The following CDK14 variants were observed in gnomAD, a reference collection of about 807,000 sequenced individuals.
CDK14 encodes cyclin dependent kinase 14, also known as cyclin-dependent kinase 14.
Under a neutral mutation model 60.7 loss-of-function variants are expected in CDK14, and 34 were observed. The observed-to-expected ratio is 0.56, with a 90% CI of 0.43 to 0.75. The LOEUF is 0.75. Among genes scored for constraint, CDK14 ranks in the 30% least tolerant of loss-of-function variants. The pLI, the probability that CDK14 is intolerant of heterozygous loss-of-function variation, is 0.00. For synonymous variants in CDK14, 197 were observed against 203.7 expected, an observed-to-expected ratio of 0.97 and a Z score of 0.28; for missense variants, 482 against 564.1, an observed-to-expected ratio of 0.85 and a Z score of 1.47.
chr7:90,903,199 TA>T (rs1792574634), intron 7 of CDK14, among the ~76,000 whole-genome samples: 1 of 152,148 alleles, frequency 6.6e-6, no homozygotes, highest in Non-Finnish European at 1.5e-5. Flanking sequence ...TAAATTGAAC[TA>T]TCATATGATC....
chr7:90,760,881 T>C (rs1237074027), intron 4 of CDK14, among the ~76,000 whole-genome samples: 1 of 152,226 alleles, frequency 6.6e-6, no homozygotes, highest in African/African-American at 2.4e-5. Flanking sequence ...GTTCCTATCC[T>C]TAGCTAGTCC....
chr7:90,990,096 A>G (rs1795487054), intron 10 of CDK14, among the ~76,000 whole-genome samples: 2 of 152,176 alleles, frequency 1.3e-5, no homozygotes, highest in South Asian at 4.1e-4. Flanking sequence ...GTATAACAGG[A>G]GAGTAATGTT....
chr7:91,102,317 G>A (rs1412295372), intron 12 of CDK14, among the ~76,000 whole-genome samples: 3 of 152,178 alleles, frequency 2.0e-5, no homozygotes, highest in South Asian at 2.1e-4. Context: ...GGCCCATAGT[G>A]AGTGTAATAG....
intron 10 of CDK14, among the ~76,000 whole-genome samples, chr7:91,043,198 T>C (rs1307861940): frequency 3.3e-5 from 5 of 152,242 alleles, no homozygotes; most frequent in Admixed American, 3.3e-4. Flanking sequence ...ATGAGGATAA[T>C]GCCTACAAAA....
At chr7:90,654,907 A>G (rs1480367980) in intron 2 of CDK14, among the ~76,000 whole-genome samples, 2 of 152,146 alleles carry the variant, frequency 1.3e-5, no homozygotes, top group Non-Finnish European at 1.5e-5. Flanking sequence ...CAAATGAATG[A>G]CATGTATTTA....
chr7:91,016,391 TC>T (rs1478392307), intron 10 of CDK14, among the ~76,000 whole-genome samples: 2 of 152,178 alleles, frequency 1.3e-5, no homozygotes, highest in Non-Finnish European at 2.9e-5. Context: ...CTAAACATGC[TC>T]TCATATATTG....
At chr7:91,155,050 G>A (rs1320465906) in intron 14 of CDK14, among the ~76,000 whole-genome samples, 4 of 152,186 alleles carry the variant, frequency 2.6e-5, no homozygotes, top group Non-Finnish European at 4.4e-5. Context: ...ACGAGGAAGG[G>A]CATGTTGATT....
chr7:90,838,002 A>G (rs1445961156), intron 5 of CDK14, among the ~76,000 whole-genome samples: 1 of 152,152 alleles, frequency 6.6e-6, no homozygotes, highest in Non-Finnish European at 1.5e-5. Flanking sequence ...AATACAAATT[A>G]CAAAACACAC....
chr7:90,689,908 G>T (rs1444346427), intron 2 of CDK14, among the ~76,000 whole-genome samples: 3 of 152,158 alleles, frequency 2.0e-5, no homozygotes, highest in African/African-American at 4.8e-5. Flanking sequence ...ATTCTTTGAT[G>T]ATATAACAGG....
intron 5 of CDK14, among the ~76,000 whole-genome samples, chr7:90,821,808 A>G (rs1201671248): frequency 6.6e-6 from 1 of 152,092 alleles, no homozygotes; most frequent in Non-Finnish European, 1.5e-5. Context: ...CTGTCACTGA[A>G]CCCAATTTCT....
intron 4 of CDK14, among the ~76,000 whole-genome samples, chr7:90,749,459 G>T (rs1195140638): frequency 6.6e-6 from 1 of 151,616 alleles, no homozygotes; most frequent in Non-Finnish European, 1.5e-5. Context: ...TAGAGCACCT[G>T]CTCACTTTGT....
chr7:90,755,577 A>C (rs959087573), intron 4 of CDK14, among the ~76,000 whole-genome samples: 3 of 152,180 alleles, frequency 2.0e-5, no homozygotes, highest in Non-Finnish European at 4.4e-5. Flanking sequence ...ATATACTAAT[A>C]TGATAAACCT....
At chr7:90,697,651 A>G (rs1453972935) in intron 2 of CDK14, among the ~76,000 whole-genome samples, 1 of 152,190 alleles carries the variant, frequency 6.6e-6, no homozygotes, top group Non-Finnish European at 1.5e-5. Flanking sequence ...TCAGAATAAA[A>G]ATTTTACACA....
chr7:90,742,601 G>A (rs982041802), intron 3 of CDK14, among the ~76,000 whole-genome samples: 7 of 151,584 alleles, frequency 4.6e-5, no homozygotes, highest in South Asian at 2.1e-4. Flanking sequence ...TCTTCCTACC[G>A]TGTTCTTTGT....
At chr7:91,060,240 T>C (rs1797735585) in intron 11 of CDK14, among the ~76,000 whole-genome samples, 1 of 152,058 alleles carries the variant, frequency 6.6e-6, no homozygotes, top group Non-Finnish European at 1.5e-5. Flanking sequence ...TTTTTTTTTT[T>C]TCCATTTGCT....
intron 8 of CDK14, among the ~76,000 whole-genome samples, chr7:90,932,258 A>G (rs1465206443): frequency 6.6e-6 from 1 of 152,138 alleles, no homozygotes; most frequent in Non-Finnish European, 1.5e-5. Flanking sequence ...TAATCCTAGC[A>G]CTTTGGGAGG....
chr7:90,631,319 C>A (rs1286656144), intron 2 of CDK14, among the ~76,000 whole-genome samples: 1 of 152,132 alleles, frequency 6.6e-6, no homozygotes, highest in East Asian at 1.9e-4. Context: ...GGCAGACTGT[C>A]CACCTGAGAC....
Position 91,074,668 on chromosome 7 carries a change from A to G in CDK14, c.1106-4764A>G, listed in dbSNP as rs188039475. Among the ~76,000 whole-genome samples, 251 of 152,324 alleles carry G rather than the reference A, an allele frequency of 1.6e-3. 1 individual carries two copies. The highest frequency in any genetic ancestry group is 3.1e-3 in the Non-Finnish European group (213 of 68,028). ...TAAGATCAGAGGAGAACTGAAGGAT[A>G]TGGAGACACAAAAAAACCCTTCAAA... is the stretch of plus-strand genomic sequence containing the variant. On this transcript the variant is annotated intron_variant, in intron 11 of 14. Coordinates refer to ENST00000380050, the MANE Select transcript of CDK14 (RefSeq NM_001287135.2).
intron 14 of CDK14, among the ~76,000 whole-genome samples, chr7:91,130,047 G>C (rs944309913): frequency 1.3e-5 from 2 of 152,110 alleles, no homozygotes; most frequent in Admixed American, 1.3e-4. Context: ...ACTAACACTT[G>C]TTGAGTTTTG....
Sources: gnomAD v4.1 joint callset for allele counts (sites outside exome capture counted in the v4.1 genomes callset) on GRCh38, gnomAD v4.1.1 for gene constraint, MANE v1.5 for transcripts, NCBI Gene and HGNC (gene_info 2026-07-23, HGNC 2026-07-21) for gene names.